The following STXBP6 variants were observed in gnomAD, a reference collection of about 807,000 sequenced individuals.
STXBP6 encodes syntaxin binding protein 6.
A neutral mutation model predicts 26.9 loss-of-function variants in STXBP6; 21 were observed. That is an observed-to-expected ratio of 0.78 (90% CI 0.55 to 1.12). The LOEUF is 1.12. Among genes scored for constraint, STXBP6 ranks in the 50% most tolerant of loss-of-function variants. The pLI, the probability that STXBP6 is intolerant of heterozygous loss-of-function variation, is 0.00. For synonymous variants in STXBP6, 97 were observed against 92.6 expected, an observed-to-expected ratio of 1.05 and a Z score of -0.27; for missense variants, 232 against 257.9, an observed-to-expected ratio of 0.90 and a Z score of 0.69.
intron 4 of STXBP6, among the ~76,000 whole-genome samples, chr14:24,836,527 G>C (rs1271872740): frequency 4.8e-5 from 7 of 145,884 alleles, no homozygotes; most frequent in Non-Finnish European, 7.4e-5. Context: ...TGAACCCAGG[G>C]GGCAGAGGTT....
chr14:24,933,127 T>C (rs1254651908), intron 2 of STXBP6, among the ~76,000 whole-genome samples: 1 of 152,124 alleles, frequency 6.6e-6, no homozygotes, highest in African/African-American at 2.4e-5. Flanking sequence ...GATTGCTTGA[T>C]CTCAGGAGTT....
intron 5 of STXBP6, among the ~76,000 whole-genome samples, chr14:24,814,994 T>C (rs980874269): frequency 2.0e-5 from 3 of 152,218 alleles, no homozygotes; most frequent in African/African-American, 7.2e-5. Context: ...TGGTATTTTG[T>C]TATAGCAGCT....
intron 2 of STXBP6, among the ~76,000 whole-genome samples, chr14:24,972,352 C>G (rs2073929339): frequency 6.6e-6 from 1 of 152,184 alleles, no homozygotes; most frequent in Non-Finnish European, 1.5e-5. Flanking sequence ...AATGGTTATG[C>G]TATTTCACTG....
At chr14:25,013,895 T>C (rs1387888401) in intron 1 of STXBP6, among the ~76,000 whole-genome samples, 1 of 152,068 alleles carries the variant, frequency 6.6e-6, no homozygotes, top group Non-Finnish European at 1.5e-5. Context: ...AACAAACAAA[T>C]GTGAACACTG....
intron 2 of STXBP6, among the ~76,000 whole-genome samples, chr14:24,952,318 CAAAT>C: frequency 6.7e-6 from 1 of 148,780 alleles, no homozygotes; most frequent in Middle Eastern, 3.5e-3. Flanking sequence ...AAAAAAAAGA[CAAAT>C]AAGCTTATTT....
intron 2 of STXBP6, among the ~76,000 whole-genome samples, chr14:24,902,794 T>C (rs866719336): frequency 1.3e-5 from 2 of 152,172 alleles, no homozygotes; most frequent in Non-Finnish European, 2.9e-5. Flanking sequence ...GAGATGGGTA[T>C]AGCAGAGTTT....
At chr14:24,850,357 T>C (rs1181464836) in intron 4 of STXBP6, among the ~76,000 whole-genome samples, 1 of 152,082 alleles carries the variant, frequency 6.6e-6, no homozygotes, top group African/African-American at 2.4e-5. Flanking sequence ...CCTAGAATTC[T>C]AATAGAGCTC....
rs989523470 is a variant in STXBP6 at position 24,975,791 on chromosome 14, A to C, written c.-32-941T>G. ...TGCTTATTTATATCTATTATGTTCA[A>C]GTTCAATCTGAAATATTAAGCCTGT... On this transcript the variant is annotated intron_variant, in intron 1 of 5. Coordinates refer to ENST00000323944, the MANE Select transcript of STXBP6 (RefSeq NM_001394410.1). 2.0e-5 allele frequency among the ~76,000 whole-genome samples: 3 copies of C among 152,214 alleles called. No individual in the cohort carries two copies. The South Asian group carries it at 6.2e-4, about 32-fold the overall frequency.
chr14:24,899,957 C>G (rs2071154031), intron 2 of STXBP6, among the ~76,000 whole-genome samples: 1 of 152,032 alleles, frequency 6.6e-6, no homozygotes, highest in Non-Finnish European at 1.5e-5. Flanking sequence ...TCATTAGTAC[C>G]AACTCCCATA....
At chr14:24,844,701 T>G (rs896264279) in intron 4 of STXBP6, among the ~76,000 whole-genome samples, 6 of 152,114 alleles carry the variant, frequency 3.9e-5, no homozygotes, top group Non-Finnish European at 7.4e-5. Flanking sequence ...ATACAGAAAA[T>G]TGTTAAATTA....
chr14:24,826,564 C>G (rs567907135), intron 4 of STXBP6, among the ~76,000 whole-genome samples: 53 of 152,290 alleles, frequency 3.5e-4, no homozygotes, highest in African/African-American at 1.3e-3. Context: ...CAGTGGACCA[C>G]CTCACCCCAT....
intron 1 of STXBP6, among the ~76,000 whole-genome samples, chr14:24,989,608 G>A (rs1370285156): frequency 1.3e-5 from 2 of 152,228 alleles, no homozygotes; most frequent in East Asian, 1.9e-4. Context: ...TGAAATGTGT[G>A]TTTGTGGGGA....
At chr14:24,964,252 T>C (rs2073653947) in intron 2 of STXBP6, among the ~76,000 whole-genome samples, 1 of 152,116 alleles carries the variant, frequency 6.6e-6, no homozygotes, top group East Asian at 1.9e-4. Context: ...GAAAGCCAAC[T>C]GACAAAGCCC....
chr14:24,991,433 G>A (rs1373703350), intron 1 of STXBP6, among the ~76,000 whole-genome samples: 2 of 152,130 alleles, frequency 1.3e-5, no homozygotes, highest in Non-Finnish European at 2.9e-5. Flanking sequence ...GTTTATACAG[G>A]TCATTGAGAG....
chr14:24,815,098 C>G (rs2067933194), intron 5 of STXBP6, among the ~76,000 whole-genome samples: 1 of 152,098 alleles, frequency 6.6e-6, no homozygotes, highest in Non-Finnish European at 1.5e-5. Flanking sequence ...GGAGGTAGAG[C>G]AGAAAGAGCA....
intron 2 of STXBP6, among the ~76,000 whole-genome samples, chr14:24,968,112 T>C (rs2073791174): frequency 6.6e-6 from 1 of 150,632 alleles, no homozygotes; most frequent in East Asian, 1.9e-4. Flanking sequence ...CTTTTAACTT[T>C]TATATAATTT....
chr14:24,834,778 G>C (rs1346139622), intron 4 of STXBP6, among the ~76,000 whole-genome samples: 1 of 152,164 alleles, frequency 6.6e-6, no homozygotes, highest in Admixed American at 6.5e-5. Flanking sequence ...AGGGAGACCT[G>C]TGGGGGAGAA....
At chr14:25,033,549 C>T (rs551184521) in intron 1 of STXBP6, among the ~76,000 whole-genome samples, 1 of 152,150 alleles carries the variant, frequency 6.6e-6, no homozygotes, top group Non-Finnish European at 1.5e-5. Context: ...GGGCTTCTGC[C>T]CCTTGCTCAT....
intron 1 of STXBP6, among the ~76,000 whole-genome samples, chr14:25,039,868 G>A (rs1195049260): frequency 3.3e-5 from 5 of 151,894 alleles, no homozygotes; most frequent in African/African-American, 4.8e-5. Flanking sequence ...CACCATGCCC[G>A]GCTAATTTTT....
Sources: gnomAD v4.1 joint callset for allele counts (sites outside exome capture counted in the v4.1 genomes callset) on GRCh38, gnomAD v4.1.1 for gene constraint, MANE v1.5 for transcripts, NCBI Gene and HGNC (gene_info 2026-07-23, HGNC 2026-07-21) for gene names.